ZHX2: variants seen among roughly 807,000 people sequenced by gnomAD.
ZHX2 encodes zinc fingers and homeoboxes 2, also known as zinc fingers and homeoboxes protein 2.
ZHX2 carries 6 observed loss-of-function variants against 21.9 expected under a neutral mutation model. The observed-to-expected ratio is 0.27, with a 90% CI of 0.15 to 0.54. The LOEUF is 0.54. Ranked by LOEUF, ZHX2 falls within the 20% of genes least tolerant of loss-of-function variation. The pLI is 0.95. For synonymous variants in ZHX2, 434 were observed against 437.1 expected, an observed-to-expected ratio of 0.99 and a Z score of 0.09; for missense variants, 908 against 1,090.7, an observed-to-expected ratio of 0.83 and a Z score of 2.36.
At chr8:122,844,453 G>C (rs1022682422) in intron 1 of ZHX2, among the ~76,000 whole-genome samples, 52 of 152,244 alleles carry the variant, frequency 3.4e-4, no homozygotes, top group African/African-American at 1.2e-3. Flanking sequence ...GAAGGCAAAA[G>C]AGATCATGGA....
chr8:122,868,588 C>G (rs1416720088), intron 2 of ZHX2, among the ~76,000 whole-genome samples: 2 of 151,762 alleles, frequency 1.3e-5, no homozygotes, highest in Admixed American at 1.3e-4. Flanking sequence ...GTAGTCCCAG[C>G]TACTTGGGAG....
chr8:122,790,668 C>T (rs780208207), intron 1 of ZHX2, among the ~76,000 whole-genome samples: 24 of 152,142 alleles, frequency 1.6e-4, no homozygotes, highest in Middle Eastern at 3.2e-3. Flanking sequence ...AGTGCAATGG[C>T]GTGATCTCAG....
chr8:122,916,320 A>G (rs979343702), intron 2 of ZHX2, among the ~76,000 whole-genome samples: 2 of 152,076 alleles, frequency 1.3e-5, no homozygotes, highest in Admixed American at 6.5e-5. Context: ...CATCCTTTTG[A>G]GCCATCGAGG....
intron 1 of ZHX2, among the ~76,000 whole-genome samples, chr8:122,791,633 G>A (rs1449940666): frequency 6.6e-6 from 1 of 152,202 alleles, no homozygotes; most frequent in East Asian, 1.9e-4. Context: ...GGGAGGCCGA[G>A]GCCGGTAGAT....
chr8:122,798,169 T>A (rs1249927415), intron 1 of ZHX2, among the ~76,000 whole-genome samples: 2 of 152,184 alleles, frequency 1.3e-5, no homozygotes, highest in African/African-American at 4.8e-5. Flanking sequence ...ATGCCAGCTC[T>A]TGAAAGCTTT....
At chr8:122,851,893 G>A (rs139670224) in intron 1 of ZHX2, among the ~76,000 whole-genome samples, 7 of 152,352 alleles carry the variant, frequency 4.6e-5, no homozygotes, top group Non-Finnish European at 8.8e-5. Context: ...ATGAAAGACT[G>A]TAAGTGAAAG....
rs1817299973 is a variant in ZHX2 at position 122,782,122 on chromosome 8, G to A, written c.-283+176G>A. ...GGGTTTGTGATTGGAAGGGGGGTAC[G>A]GAAGGGGGGGGGTGTGCAGGCTCTT... On this transcript the variant is annotated intron_variant, in intron 1 of 3. Transcript: ENST00000314393. The surrounding 1 kb of genome is among the most constrained non-coding windows in gnomAD (Gnocchi z 5.3). 1.7e-5 allele frequency among the ~76,000 whole-genome samples: 2 copies of A among 119,146 alleles called. No individual in the cohort carries two copies. Among genetic ancestry groups the A allele is most frequent in the African/African-American group, 2.6e-5 (1 of 37,790 alleles). The allele number at this position is 119,146 out of a possible 152,430, so 78.2% of individuals were successfully genotyped here.
Position 122,952,746 on chromosome 8 carries a change from C to G in ZHX2, c.1236C>G (p.Pro412=). Residue 412 remains proline (P), a synonymous_variant, in exon 3 of 4, where the codon CCC becomes CCG. Transcript: ENST00000314393. This position sits in a 1 kb window ranked among gnomAD's most constrained non-coding sequence, Gnocchi z 6.9. ...GCCAGAAGAGACCCTTGGTGACTCC[C>G]CAAGCTGCCCCCGAACCCAAGCGTC... ...NHGQKRPLVT[P]QAAPEPKRPH... is the part of the protein sequence containing the mutation. 6.2e-7 allele frequency: 1 copy of G among 1,614,104 alleles called. No individual in the cohort carries two copies. Among genetic ancestry groups the G allele is most frequent in the Non-Finnish European group, 8.5e-7 (1 of 1,180,020 alleles).
chr8:122,860,156 C>A (rs374385913), intron 1 of ZHX2, among the ~76,000 whole-genome samples: 2 of 152,102 alleles, frequency 1.3e-5, no homozygotes, highest in African/African-American at 4.8e-5. Flanking sequence ...ACGCAGTGAG[C>A]GAAGGGGGAA....
chr8:122,808,630 T>C (rs879387545), intron 1 of ZHX2: 1 of 152,202 alleles, frequency 6.6e-6, no homozygotes, highest in Non-Finnish European at 1.5e-5. Flanking sequence ...TATCAAATAG[T>C]AAGTAATAAT....
intron 1 of ZHX2, among the ~76,000 whole-genome samples, chr8:122,808,060 C>G (rs1403069485): frequency 1.3e-5 from 2 of 152,204 alleles, no homozygotes; most frequent in Non-Finnish European, 2.9e-5. Context: ...ATCCCGTCAC[C>G]TTGGGCAGGT....
At chr8:122,960,074 T>A (rs1354155276) in intron 3 of ZHX2, among the ~76,000 whole-genome samples, 1 of 152,210 alleles carries the variant, frequency 6.6e-6, no homozygotes, top group Admixed American at 6.5e-5. Flanking sequence ...GCCCAGCATG[T>A]CCCTGCCCTC....
chr8:122,910,480 G>A (rs1036339490), intron 2 of ZHX2, among the ~76,000 whole-genome samples: 1 of 152,194 alleles, frequency 6.6e-6, no homozygotes. Context: ...TGTGAAATCG[G>A]TTTAGCAGGC....
chr8:122,871,275 A>T (rs1819428394), intron 2 of ZHX2, among the ~76,000 whole-genome samples: 1 of 152,058 alleles, frequency 6.6e-6, no homozygotes, highest in South Asian at 2.1e-4. Flanking sequence ...CTTGGAACCA[A>T]CCCAAATGTC....
intron 2 of ZHX2, among the ~76,000 whole-genome samples, chr8:122,941,796 G>A (rs1030784334): frequency 6.6e-6 from 1 of 152,192 alleles, no homozygotes; most frequent in Non-Finnish European, 1.5e-5. Flanking sequence ...AGGCTGTGCC[G>A]CAGTTGCGTG....
At chr8:122,853,230 C>T (rs1387176531) in intron 1 of ZHX2, among the ~76,000 whole-genome samples, 1 of 152,168 alleles carries the variant, frequency 6.6e-6, no homozygotes, top group Admixed American at 6.5e-5. Context: ...ATGATACTCT[C>T]CATGATTGGG....
At chr8:122,813,858 A>G (rs1817978022) in intron 1 of ZHX2, among the ~76,000 whole-genome samples, 1 of 152,182 alleles carries the variant, frequency 6.6e-6, no homozygotes, top group Admixed American at 6.5e-5. Flanking sequence ...TCTGCTAATT[A>G]TGATGATGAC....
At chr8:122,906,265 A>G (rs1820344944) in intron 2 of ZHX2, among the ~76,000 whole-genome samples, 1 of 152,258 alleles carries the variant, frequency 6.6e-6, no homozygotes, top group Non-Finnish European at 1.5e-5. Flanking sequence ...GCTAAAAGTA[A>G]TAGCTGATGT....
chr8:122,904,182 C>G (rs749756632), intron 2 of ZHX2, among the ~76,000 whole-genome samples: 20 of 152,128 alleles, frequency 1.3e-4, no homozygotes, highest in Admixed American at 3.3e-4. Context: ...AAAAGCCCCC[C>G]CAAAAAAGTC....
Sources: allele counts gnomAD v4.1 joint callset (sites outside exome capture counted in the v4.1 genomes callset), GRCh38; gene constraint gnomAD v4.1.1; non-coding constraint Gnocchi (gnomAD v3.1); transcripts MANE v1.5; gene names NCBI Gene and HGNC (gene_info 2026-07-23, HGNC 2026-07-21).